SPMIP2: variants seen among roughly 807,000 people sequenced by gnomAD.
The protein encoded by SPMIP2 is sperm microtubule inner protein 2, also known as protein SPMIP2.
the SPMIP2 span, among the ~76,000 whole-genome samples, chr4:158,985,052 C>G: frequency 1.7e-4 from 26 of 149,946 alleles, no homozygotes; most frequent in Non-Finnish European, 2.5e-4. Flanking sequence ...ATAAATTCCT[C>G]GACACATACA....
At chr4:158,898,180 C>G in the SPMIP2 span, among the ~76,000 whole-genome samples, 1 of 152,116 alleles carries the variant, frequency 6.6e-6, no homozygotes, top group African/African-American at 2.4e-5. Flanking sequence ...GGCCTCAGTT[C>G]TGTTCCATTG....
chr4:158,932,239 G>A, the SPMIP2 span, among the ~76,000 whole-genome samples: 1 of 152,162 alleles, frequency 6.6e-6, no homozygotes, highest in African/African-American at 2.4e-5. Flanking sequence ...TCAAAGCCGG[G>A]TGGATCACTT....
chr4:159,024,712 T>G, the SPMIP2 span, among the ~76,000 whole-genome samples: 1 of 152,230 alleles, frequency 6.6e-6, no homozygotes, highest in South Asian at 2.1e-4. Flanking sequence ...AATTCCAAAC[T>G]TGGCCATTCT....
the SPMIP2 span, among the ~76,000 whole-genome samples, chr4:159,001,654 T>C: frequency 6.6e-6 from 1 of 152,234 alleles, no homozygotes; most frequent in African/African-American, 2.4e-5. Context: ...GTTCTATCCA[T>C]GTTCCCACAA....
At chr4:158,907,898 C>T in the SPMIP2 span, 5 of 152,156 alleles carry the variant, frequency 3.3e-5, no homozygotes, top group African/African-American at 1.2e-4. Flanking sequence ...TCATTTGAAG[C>T]TCCATAAGAG....
the SPMIP2 span, among the ~76,000 whole-genome samples, chr4:159,026,765 A>G: frequency 6.6e-6 from 1 of 151,922 alleles, no homozygotes. Flanking sequence ...TATTAACATA[A>G]CCTACAAAGG....
chr4:158,977,620 T>TTTTTTC, the SPMIP2 span, among the ~76,000 whole-genome samples: 1 of 138,420 alleles, frequency 7.2e-6, no homozygotes, highest in Non-Finnish European at 1.6e-5. Context: ...TTTTTTTTTT[T>TTTTTTC]TTTTTTCTCT....
At chr4:158,971,746 TG>T in the SPMIP2 span, among the ~76,000 whole-genome samples, 1 of 152,188 alleles carries the variant, frequency 6.6e-6, no homozygotes, top group Non-Finnish European at 1.5e-5. Flanking sequence ...TACAACAGCC[TG>T]TTACCTGAGC....
chr4:159,003,264 C>T, the SPMIP2 span, among the ~76,000 whole-genome samples: 1 of 152,146 alleles, frequency 6.6e-6, no homozygotes, highest in African/African-American at 2.4e-5. Context: ...GAGAATGGGC[C>T]ATACTCCAGC....
At chr4:158,974,980 CT>C in the SPMIP2 span, among the ~76,000 whole-genome samples, 2 of 152,288 alleles carry the variant, frequency 1.3e-5, no homozygotes, top group African/African-American at 4.8e-5. Flanking sequence ...TGTTTACTGA[CT>C]TTTTAATAAT....
the SPMIP2 span, chr4:158,893,547 G>A: frequency 3.3e-6 from 2 of 603,510 alleles, no homozygotes; most frequent in Non-Finnish European, 5.8e-6. Context: ...TTTCCAAACT[G>A]TTTATTTGGG....
At chr4:158,959,220 G>A in the SPMIP2 span, among the ~76,000 whole-genome samples, 4 of 152,208 alleles carry the variant, frequency 2.6e-5, no homozygotes, top group South Asian at 8.3e-4. Context: ...TACCACCAAT[G>A]CTTGTTGAAG....
chr4:158,971,433 C>T, the SPMIP2 span, among the ~76,000 whole-genome samples: 1 of 152,204 alleles, frequency 6.6e-6, no homozygotes, highest in African/African-American at 2.4e-5. Flanking sequence ...AACTGGTCTT[C>T]TTTGGAATAT....
At chr4:159,082,718 C>G in the SPMIP2 span, among the ~76,000 whole-genome samples, 1 of 152,090 alleles carries the variant, frequency 6.6e-6, no homozygotes, top group Non-Finnish European at 1.5e-5. Flanking sequence ...TTGCAAAAAC[C>G]ATTCTGGTTA....
chr4:159,020,806 G>T, the SPMIP2 span, among the ~76,000 whole-genome samples: 1 of 152,256 alleles, frequency 6.6e-6, no homozygotes, highest in Non-Finnish European at 1.5e-5. Flanking sequence ...CTGTTGCCCA[G>T]GCTGGAGTGC....
the SPMIP2 span, among the ~76,000 whole-genome samples, chr4:159,036,462 T>C: frequency 6.6e-6 from 1 of 152,184 alleles, no homozygotes; most frequent in African/African-American, 2.4e-5. Flanking sequence ...AGACCAGTCA[T>C]TTCTCACCAG....
the SPMIP2 span, among the ~76,000 whole-genome samples, chr4:159,022,015 T>C: frequency 6.6e-6 from 1 of 152,226 alleles, no homozygotes; most frequent in Non-Finnish European, 1.5e-5. Context: ...TTAACTTCTT[T>C]ATTCAGCCCA....
At chr4:159,059,734 A>G in the SPMIP2 span, among the ~76,000 whole-genome samples, 2 of 152,196 alleles carry the variant, frequency 1.3e-5, no homozygotes, top group Non-Finnish European at 2.9e-5. Flanking sequence ...TGGAAAGGAG[A>G]TAATGTCTGA....
chr4:158,950,757 G>A, the SPMIP2 span, among the ~76,000 whole-genome samples: 27 of 152,242 alleles, frequency 1.8e-4, no homozygotes, highest in Non-Finnish European at 2.5e-4. Flanking sequence ...TTAGCCGGTC[G>A]TGGTGGCAGG....
Sources: allele counts gnomAD v4.1 joint callset (sites outside exome capture counted in the v4.1 genomes callset), GRCh38; gene constraint gnomAD v4.1.1; transcripts MANE v1.5; gene names NCBI Gene and HGNC (gene_info 2026-07-23, HGNC 2026-07-21).